DZIP1L: variants seen among roughly 807,000 people sequenced by gnomAD.
DZIP1L encodes the protein cilium assembly protein DZIP1L.
In DZIP1L, 90 loss-of-function variants were observed where a neutral mutation model predicts 88.7. The observed-to-expected ratio is 1.02, with a 90% CI of 0.86 to 1.21. The LOEUF (loss-of-function observed/expected upper bound fraction) is 1.21, where lower values mean the gene tolerates loss of function less well. DZIP1L is among the 50% of genes most tolerant of loss of function. The pLI is 0.00. For synonymous variants in DZIP1L, 363 were observed against 372.1 expected (o/e 0.98, Z 0.28); for missense variants, 932 against 955.8 (o/e 0.98, Z 0.33).
chr3:138,113,179 C>A (rs184445420), intron 1 of DZIP1L, among the ~76,000 whole-genome samples: 16 of 152,302 alleles, frequency 1.1e-4, no homozygotes, highest in African/African-American at 3.4e-4. Context: ...ACCCATCTAC[C>A]ACCCTTGCTT....
At chr3:138,112,609 A>T (rs1225946749) in intron 1 of DZIP1L, 1 of 152,260 alleles carries the variant, frequency 6.6e-6, no homozygotes, top group African/African-American at 2.4e-5. Context: ...AATTGTGAGC[A>T]GACTGCTTTT....
intron 1 of DZIP1L, chr3:138,108,295 G>C (rs1211108931): frequency 2.1e-6 from 2 of 940,890 alleles, no homozygotes; most frequent in Admixed American, 6.2e-5. Flanking sequence ...GCATGCTGTG[G>C]GCAAGGGTAA....
Position 138,068,202 on chromosome 3 carries a change from G to C in DZIP1L, c.1781C>G (p.Pro594Arg). Residue 594 changes from proline (P) to arginine (R), a missense_variant, in exon 13 of 16, where the codon CCC (proline) becomes CGC (arginine). Physicochemically the swap from Pro to Arg is moderately radical, Grantham distance 103. Transcript: ENST00000327532. ...LTQVSAPAPR[P>R]GLHGPSSTPP... ...GGTGCTGGAGGGTCCATGCAGTCCG[G>C]GGCGTGGAGCGGGGGCGGACACCTG... The C allele has an allele frequency of 6.3e-7, 1 of 1,589,556 alleles. No homozygotes were observed. The highest frequency in any genetic ancestry group is 8.6e-7 in the Non-Finnish European group (1 of 1,166,746).
chr3:138,097,912 C>T, intron 2 of DZIP1L, 65 bp from the exon 3 acceptor site: 1 of 1,422,674 alleles, frequency 7.0e-7, no homozygotes, highest in Non-Finnish European at 9.8e-7. Context: ...GGGATTTTCC[C>T]TATATCAAAG....
chr3:138,085,067 G>C (rs1943860444), intron 7 of DZIP1L, among the ~76,000 whole-genome samples: 1 of 152,198 alleles, frequency 6.6e-6, no homozygotes, highest in African/African-American at 2.4e-5. Flanking sequence ...CAGGTAGCGT[G>C]ATGCCTCCAC....
At chr3:138,091,245 G>T (rs1339921521) in intron 5 of DZIP1L, among the ~76,000 whole-genome samples, 2 of 151,952 alleles carry the variant, frequency 1.3e-5, no homozygotes, top group African/African-American at 4.8e-5. Flanking sequence ...TATAGAGCTG[G>T]GTTCAAGTCC....
intron 10 of DZIP1L, among the ~76,000 whole-genome samples, chr3:138,078,011 G>A (rs542261033): frequency 6.6e-6 from 1 of 152,260 alleles, no homozygotes; most frequent in African/African-American, 2.4e-5. Flanking sequence ...CCTGGGCATG[G>A]GTTAAAAATT....
At chr3:138,065,297 G>A (rs1942846034) in intron 14 of DZIP1L, among the ~76,000 whole-genome samples, 1 of 152,198 alleles carries the variant, frequency 6.6e-6, no homozygotes, top group Admixed American at 6.5e-5. Context: ...CAGGAAGCAG[G>A]AAGCTAACTA....
intron 11 of DZIP1L, 152 bp from the exon 12 acceptor site, chr3:138,071,987 A>C (rs1404632578): frequency 7.6e-6 from 6 of 785,698 alleles, no homozygotes; most frequent in Non-Finnish European, 1.2e-5. Flanking sequence ...TGAGGATCAG[A>C]GAAGGGTAAG....
intron 10 of DZIP1L, 60 bp downstream of exon 10, chr3:138,080,504 CAAG>C: frequency 1.9e-6 from 3 of 1,576,978 alleles, no homozygotes; most frequent in Admixed American, 3.4e-5. Flanking sequence ...ACAAACTAAA[CAAG>C]GAGGAGGGCA....
rs747104578 is a variant in DZIP1L at position 138,064,673 on chromosome 3, G to A, written c.2097C>T (p.Pro699=). Residue 699 remains proline, a synonymous_variant, in exon 15 of 16, where the codon CCC becomes CCT. Transcript: ENST00000327532. ...TGGCAGCCCTCTGTGGCCCAGCATT[G>A]GGCATAAAAAACAGACTGACCCCTC... The part of the protein sequence containing the change: ...PAGGVSLFFM[P]NAGPQRAATP... The A allele has an allele frequency of 3.1e-5, 50 of 1,613,948 alleles. No individual in the cohort carries two copies. The highest frequency in any genetic ancestry group is 4.0e-5 in the Non-Finnish European group (47 of 1,180,008).
chr3:138,113,796 C>T lies in DZIP1L; in HGVS notation c.-82+1532G>A, dbSNP rs543848362. Among the ~76,000 whole-genome samples, 70 of 152,264 alleles carry T rather than the reference C, an allele frequency of 4.6e-4. 1 individual carries two copies. Among genetic ancestry groups the T allele is most frequent in the African/African-American group, 1.5e-3 (61 of 41,536 alleles). ...GCAGCGAGACAAAGGTCCCCTCAAC[C>T]GGGCACAGCGCTCTCCTTACACCTG... On this transcript the variant is annotated intron_variant, in intron 1 of 15. Coordinates refer to ENST00000327532, the MANE Select transcript of DZIP1L (RefSeq NM_173543.3).
rs1238338168 is a variant in DZIP1L at position 138,088,392 on chromosome 3, TTC to T, written c.984_985del (p.Lys329AspfsTer17). ...GCATCAGCTCACCTGAATTTCTGTC[TTC>T]TCTCTCAGGGCCTGAAGCTCCCGTG... On this transcript the variant is annotated frameshift_variant, in exon 6 of 16. Coordinates refer to ENST00000327532, the MANE Select transcript of DZIP1L (RefSeq NM_173543.3). LOFTEE classifies it high-confidence loss of function. The T allele has an allele frequency of 1.2e-6, 2 of 1,612,222 alleles. No homozygotes were observed. The highest frequency in any genetic ancestry group is 3.3e-5 in the Admixed American group (2 of 59,750).
intron 11 of DZIP1L, among the ~76,000 whole-genome samples, chr3:138,073,791 C>G (rs1338819448): frequency 1.3e-5 from 2 of 151,924 alleles, no homozygotes; most frequent in African/African-American, 4.8e-5. Flanking sequence ...AAAGGTGAAG[C>G]CCACCTTAAA....
intron 11 of DZIP1L, among the ~76,000 whole-genome samples, chr3:138,072,040 G>A (rs970365359): frequency 1.3e-5 from 2 of 152,196 alleles, no homozygotes; most frequent in Admixed American, 1.3e-4. Context: ...TTCAGGGTTT[G>A]GGAGCCCCAT....
chr3:138,094,361 A>G (rs149675903), intron 4 of DZIP1L, among the ~76,000 whole-genome samples: 2 of 152,366 alleles, frequency 1.3e-5, no homozygotes, highest in Non-Finnish European at 2.9e-5. Flanking sequence ...AACACACAAA[A>G]AAAGAAGTAT....
chr3:138,087,941 C>T (rs530304692), intron 6 of DZIP1L, among the ~76,000 whole-genome samples: 1 of 152,322 alleles, frequency 6.6e-6, no homozygotes, highest in South Asian at 2.1e-4. Context: ...AGCAGGAAAT[C>T]GGCCATGCTG....
intron 14 of DZIP1L, among the ~76,000 whole-genome samples, chr3:138,065,019 G>A (rs537468587): frequency 6.6e-6 from 1 of 152,374 alleles, no homozygotes; most frequent in East Asian, 1.9e-4. Context: ...AGAGGCTTAG[G>A]AAGCTGTGCT....
chr3:138,073,377 A>C (rs1242414261), intron 11 of DZIP1L, among the ~76,000 whole-genome samples: 2 of 152,178 alleles, frequency 1.3e-5, no homozygotes, highest in Non-Finnish European at 2.9e-5. Context: ...GCAAGACCTG[A>C]AGATGGATCA....
Sources: allele counts gnomAD v4.1 joint callset (sites outside exome capture counted in the v4.1 genomes callset), GRCh38; gene constraint gnomAD v4.1.1; transcripts MANE v1.5; gene names NCBI Gene and HGNC (gene_info 2026-07-23, HGNC 2026-07-21).